SP3: variants seen among roughly 807,000 people sequenced by gnomAD.
SP3 encodes the protein transcription factor Sp3.
Under a neutral mutation model 70.3 loss-of-function variants are expected in SP3, and 10 were observed. The ratio of observed to expected loss-of-function variants is 0.14; its 90% confidence interval spans 0.09 to 0.24. The LOEUF is 0.24. Ranked by LOEUF, SP3 falls within the 10% of genes least tolerant of loss-of-function variation. The pLI is 1.00. For synonymous variants in SP3, 402 were observed against 333.5 expected, an observed-to-expected ratio of 1.21 and a Z score of -2.24; for missense variants, 825 against 914.6, an observed-to-expected ratio of 0.90 and a Z score of 1.26.
chr2:173,903,342 TAA>T lies in SP3; in HGVS notation c.*6597_*6598del, dbSNP rs893957656. ...AGAGAACAGGCTAAGAGTGGAAAGGTAAAGAGTGAAAGGTCACATAGGTGGTA... is the reference window on the plus strand; with the variant it reads ...AGAGAACAGGCTAAGAGTGGAAAGGTAGAGTGAAAGGTCACATAGGTGGTA... On this transcript the variant is annotated 3_prime_UTR_variant, in exon 7 of 7. Transcript: ENST00000310015. 6.6e-5 allele frequency among the ~76,000 whole-genome samples: 10 copies of T among 152,132 alleles called. No homozygotes were observed. The highest frequency in any genetic ancestry group is 2.4e-4 in the African/African-American group (10 of 41,418).
rs1164576623 is a variant in SP3, at chr2:173,955,183, C to G, written c.1329G>C (p.Leu443=). The change falls in exon 4 of 7, where the codon CTG becomes CTC. Residue 443 remains leucine, a synonymous_variant. Transcript: ENST00000310015. ...CCTGAATTAAAAAGGTTCCAGGATT[C>G]AGCTGCAACTGAAGATTTTGCAAAG... is the stretch of plus-strand genomic sequence containing the variant. ...QQALQNLQLQ[L]NPGTFLIQAQ... 6 of 1,614,168 alleles carry G rather than the reference C, an allele frequency of 3.7e-6. No individual in the cohort carries two copies. In the South Asian group the frequency reaches 6.6e-5, roughly 18 times the overall value.
rs1161393665 is a variant in SP3, at chr2:173,900,859, A to C, written c.*9082T>G. ...ATACAGAATTATCATGGATAGAAAG[A>C]TAACATTCTTTCCCCAAATTAATCT... On this transcript the variant is annotated 3_prime_UTR_variant, in exon 7 of 7. Transcript: ENST00000310015. Among the ~76,000 whole-genome samples, 1 of 152,248 alleles carries C rather than the reference A, an allele frequency of 6.6e-6. No homozygotes were observed. The highest frequency in any genetic ancestry group is 1.5e-5 in the Non-Finnish European group (1 of 68,046).
chr2:173,924,075 A>G (rs1049822902), intron 4 of SP3, among the ~76,000 whole-genome samples: 1 of 152,094 alleles, frequency 6.6e-6, no homozygotes, highest in Non-Finnish European at 1.5e-5. Flanking sequence ...TTATCCCCTT[A>G]CCAAATATAA....
intron 4 of SP3, among the ~76,000 whole-genome samples, chr2:173,948,495 C>G (rs973722599): frequency 1.3e-5 from 2 of 152,138 alleles, no homozygotes; most frequent in African/African-American, 4.8e-5. Flanking sequence ...TCAGGATCCA[C>G]TGGGGGTCTT....
intron 3 of SP3, among the ~76,000 whole-genome samples, chr2:173,962,294 G>A (rs1403049383): frequency 6.6e-6 from 1 of 152,142 alleles, no homozygotes; most frequent in African/African-American, 2.4e-5. Context: ...ACAGTTACAA[G>A]AAAAGTTTTG....
Position 173,946,695 on chromosome 2 carries a change from C to G in SP3, c.1639+8178G>C, listed in dbSNP as rs148365826. Among the ~76,000 whole-genome samples, 831 of 148,338 alleles carry G rather than the reference C, an allele frequency of 5.6e-3. 3 individuals carry two copies. Among genetic ancestry groups the G allele is most frequent in the Non-Finnish European group, 8.8e-3 (590 of 67,280 alleles). On this transcript the variant is annotated intron_variant, in intron 4 of 6. Coordinates refer to ENST00000310015, the MANE Select transcript of SP3 (RefSeq NM_003111.5). ...ATGTTACTCCACGATCTTCTGACAT[C>G]TGTGTGGCTAAAAAGAAAGATCTGC...
chr2:173,920,167 T>C (rs942403706), intron 4 of SP3, among the ~76,000 whole-genome samples: 1 of 152,078 alleles, frequency 6.6e-6, no homozygotes, highest in African/African-American at 2.4e-5. Context: ...TTTTCATTTA[T>C]ATAAGATTCA....
At chr2:173,943,475 T>G (rs539645167) in intron 4 of SP3, among the ~76,000 whole-genome samples, 1 of 152,160 alleles carries the variant, frequency 6.6e-6, no homozygotes, top group African/African-American at 2.4e-5. Flanking sequence ...GGTTATTCCA[T>G]AACTCTGCTT....
intron 3 of SP3, among the ~76,000 whole-genome samples, chr2:173,962,757 T>A (rs1238545371): frequency 6.6e-6 from 1 of 152,210 alleles, no homozygotes; most frequent in East Asian, 1.9e-4. Flanking sequence ...TCAATTCCTA[T>A]GATCCACCAC....
chr2:173,902,272 A>C lies in SP3; in HGVS notation c.*7669T>G, dbSNP rs918086437. 1.3e-5 allele frequency among the ~76,000 whole-genome samples: 2 copies of C among 152,216 alleles called. No homozygotes were observed. The highest frequency in any genetic ancestry group is 4.8e-5 in the African/African-American group (2 of 41,466). On this transcript the variant is annotated 3_prime_UTR_variant, in exon 7 of 7. Coordinates refer to ENST00000310015, the MANE Select transcript of SP3 (RefSeq NM_003111.5). ...CAGATGAATCTAGAATCATTTTGTC[A>C]AATCCCAAAACAAAATTTCATTGTT...
At chr2:173,963,401 TTGA>T (rs1691150609) in intron 3 of SP3, 1 of 152,316 alleles carries the variant, frequency 6.6e-6, no homozygotes, top group South Asian at 2.1e-4. Flanking sequence ...TTGCCTCTAG[TTGA>T]TACTATCTAT....
chr2:173,913,417 A>G, intron 5 of SP3, 151 bp from the exon 6 acceptor site: 1 of 515,284 alleles, frequency 1.9e-6, no homozygotes, highest in Non-Finnish European at 3.1e-6. Flanking sequence ...AAATCAGTTT[A>G]AATGAAAATT....
intron 3 of SP3, among the ~76,000 whole-genome samples, chr2:173,961,106 T>C (rs569709001): frequency 7.9e-5 from 12 of 152,332 alleles, no homozygotes; most frequent in Admixed American, 4.6e-4. Flanking sequence ...GGTCTACTTT[T>C]TTCTATTTCC....
chr2:173,954,279 AT>A (rs1574423390), intron 4 of SP3, among the ~76,000 whole-genome samples: 1 of 152,208 alleles, frequency 6.6e-6, no homozygotes, highest in East Asian at 1.9e-4. Flanking sequence ...ATTGACAACT[AT>A]TTCTAGCACA....
chr2:173,918,904 A>G (rs1247397749), intron 4 of SP3, 119 bp from the exon 5 acceptor site: 2 of 812,758 alleles, frequency 2.5e-6, no homozygotes, highest in East Asian at 2.7e-5. Flanking sequence ...TCTCTTGCCT[A>G]GACTGTTTTC....
At chr2:173,916,594 A>T (rs762427736) in intron 5 of SP3, 15 of 152,146 alleles carry the variant, frequency 9.9e-5, no homozygotes, top group Non-Finnish European at 1.9e-4. Flanking sequence ...TTAAAAATAT[A>T]CTAAGACAAT....
At chr2:173,963,733 G>A (rs1691163995) in intron 3 of SP3, 28 bp downstream of exon 3, 4 of 938,148 alleles carry the variant, frequency 4.3e-6, no homozygotes, top group Non-Finnish European at 5.2e-6. Context: ...CCCGGCCTCG[G>A]CGGGGGCGGG....
intron 4 of SP3, among the ~76,000 whole-genome samples, chr2:173,932,182 T>C (rs577369570): frequency 1.3e-5 from 2 of 152,270 alleles, no homozygotes; most frequent in Middle Eastern, 3.4e-3. Context: ...AGGGTTATTA[T>C]CAATTTGCCT....
rs1211563818 is a variant in SP3, at chr2:173,904,090, A to C, written c.*5851T>G. On this transcript the variant is annotated 3_prime_UTR_variant, in exon 7 of 7. Transcript: ENST00000310015. ...GGAGGGCACTACCTAGATCCCTCGC[A>C]TGCGGGGTTCACAACGGGGTTCGCA... Among the ~76,000 whole-genome samples the C allele has an allele frequency of 6.6e-6, 1 of 152,138 alleles. No homozygotes were observed. Among genetic ancestry groups the C allele is most frequent in the Non-Finnish European group, 1.5e-5 (1 of 68,020 alleles).
Sources: gnomAD v4.1 joint callset for allele counts (sites outside exome capture counted in the v4.1 genomes callset) on GRCh38, gnomAD v4.1.1 for gene constraint, MANE v1.5 for transcripts, NCBI Gene and HGNC (gene_info 2026-07-23, HGNC 2026-07-21) for gene names.